ATG10: variants seen among roughly 807,000 people sequenced by gnomAD.
ATG10 encodes the protein autophagy related 10, also known as ubiquitin-like-conjugating enzyme ATG10.
In ATG10, 30 loss-of-function variants were observed where a neutral mutation model predicts 32.1. That is an observed-to-expected ratio of 0.94 (90% CI 0.70 to 1.27). The LOEUF (loss-of-function observed/expected upper bound fraction) is 1.27, where lower values mean the gene tolerates loss of function less well. Among genes scored for constraint, ATG10 ranks in the 50% most tolerant of loss-of-function variants. ATG10 has a pLI of 0.00. For synonymous variants in ATG10, 87 were observed against 91.5 expected (o/e 0.95, Z 0.28); for missense variants, 233 against 262.3 (o/e 0.89, Z 0.77).
chr5:82,051,252 A>G (rs1374612657), intron 2 of ATG10, among the ~76,000 whole-genome samples: 2 of 152,096 alleles, frequency 1.3e-5, no homozygotes, highest in East Asian at 1.9e-4. Flanking sequence ...AGGGGGTGCT[A>G]GCCTCTATTG....
intron 2 of ATG10, among the ~76,000 whole-genome samples, chr5:82,055,299 G>A (rs978660960): frequency 5.9e-5 from 9 of 151,832 alleles, no homozygotes; most frequent in African/African-American, 1.2e-4. Flanking sequence ...CTTCCGTATC[G>A]ATAATAAAAA....
At chr5:82,208,220 TAA>T (rs1433090911) in intron 5 of ATG10, among the ~76,000 whole-genome samples, 1 of 151,816 alleles carries the variant, frequency 6.6e-6, no homozygotes, top group African/African-American at 2.4e-5. Flanking sequence ...AAGTTTATAA[TAA>T]GTCTTGATAT....
In ATG10 at chr5:82,233,656, T is replaced by C. The variant is rs141540667; in HGVS notation, c.454-18906T>C. On this transcript the variant is annotated intron_variant, in intron 5 of 7. Coordinates refer to ENST00000282185, the MANE Select transcript of ATG10 (RefSeq NM_031482.5). ...ATGTTTGAATTCCAGGTACAGATGC[T>C]CCATCATTTTGCAGTTAACATAGAG... Among the ~76,000 whole-genome samples, 3 of 152,242 alleles carry C rather than the reference T, an allele frequency of 2.0e-5. No individual in the cohort carries two copies. In the East Asian group the frequency reaches 5.8e-4, roughly 29 times the overall value.
At chr5:82,138,656 T>C (rs1346124832) in intron 3 of ATG10, among the ~76,000 whole-genome samples, 1 of 152,188 alleles carries the variant, frequency 6.6e-6, no homozygotes, top group African/African-American at 2.4e-5. Flanking sequence ...AGACTGGAGC[T>C]GTTTCCATTT....
intron 4 of ATG10, among the ~76,000 whole-genome samples, chr5:82,177,209 A>G (rs1170630763): frequency 6.6e-6 from 1 of 152,202 alleles, no homozygotes; most frequent in Non-Finnish European, 1.5e-5. Context: ...AGAAAGGATC[A>G]TTATTCTCAT....
At chr5:82,052,211 T>C (rs770192988) in intron 2 of ATG10, among the ~76,000 whole-genome samples, 1 of 152,184 alleles carries the variant, frequency 6.6e-6, no homozygotes, top group Non-Finnish European at 1.5e-5. Flanking sequence ...ACCCATTTTC[T>C]TTTAGATGTG....
chr5:82,020,763 T>C (rs935644103), intron 2 of ATG10, among the ~76,000 whole-genome samples: 1 of 152,170 alleles, frequency 6.6e-6, no homozygotes, highest in African/African-American at 2.4e-5. Flanking sequence ...TTTTTAGACC[T>C]CTACTTGAGC....
rs540263885 is a variant in ATG10, at chr5:82,020,725, A to G, written c.108+33047A>G. Among the ~76,000 whole-genome samples, 9 of 152,302 alleles carry G rather than the reference A, an allele frequency of 5.9e-5. No individual in the cohort carries two copies. In the East Asian group the frequency reaches 1.7e-3, roughly 30 times the overall value. On this transcript the variant is annotated intron_variant, in intron 2 of 7. Coordinates refer to ENST00000282185, the MANE Select transcript of ATG10 (RefSeq NM_031482.5). ...TCTCATGGTGGTGGTAAGGGTCTGAAGAGAGAAAGTAGAAATACTCAAGTA... is the reference window on the plus strand; with the variant it reads ...TCTCATGGTGGTGGTAAGGGTCTGAGGAGAGAAAGTAGAAATACTCAAGTA...
chr5:82,078,211 A>T (rs1016004428), intron 3 of ATG10, among the ~76,000 whole-genome samples: 1 of 152,044 alleles, frequency 6.6e-6, no homozygotes, highest in Non-Finnish European at 1.5e-5. Context: ...TTTTCCTTTC[A>T]TATGCAGTAA....
chr5:82,201,824 T>C (rs1048910223), intron 5 of ATG10, among the ~76,000 whole-genome samples: 7 of 152,246 alleles, frequency 4.6e-5, no homozygotes, highest in African/African-American at 1.7e-4. Flanking sequence ...TAGTATGTTA[T>C]TGTTTTAAGC....
intron 5 of ATG10, among the ~76,000 whole-genome samples, chr5:82,241,125 G>C (rs755567299): frequency 1.3e-5 from 2 of 152,170 alleles, no homozygotes; most frequent in African/African-American, 2.4e-5. Context: ...AAATAGTCAA[G>C]AAAATGTGAA....
chr5:82,234,738 C>T (rs2150010664), intron 5 of ATG10, among the ~76,000 whole-genome samples: 1 of 152,068 alleles, frequency 6.6e-6, no homozygotes, highest in East Asian at 1.9e-4. Flanking sequence ...TAGGGAGAAT[C>T]CTAGTAAATG....
chr5:82,195,993 C>T (rs528933281), intron 5 of ATG10, among the ~76,000 whole-genome samples: 1 of 152,172 alleles, frequency 6.6e-6, no homozygotes, highest in South Asian at 2.1e-4. Context: ...TTTTATATTC[C>T]CACCAGGAAT....
At position 82,100,882 on chromosome 5, in the gene ATG10, A is replaced by G. The variant is rs543462238; in HGVS notation, c.216+42280A>G. ...AGGCTGTCTTGGTATGGGGTAAAAA[A>G]GGAAGTTAATAATTCCCCTGTTCTT... is the stretch of plus-strand genomic sequence containing the variant. On this transcript the variant is annotated intron_variant, in intron 3 of 7. Transcript: ENST00000282185. 2.6e-5 allele frequency among the ~76,000 whole-genome samples: 4 copies of G among 151,818 alleles called. No individual in the cohort carries two copies. The South Asian group carries it at 8.3e-4, about 32-fold the overall frequency.
intron 3 of ATG10, among the ~76,000 whole-genome samples, chr5:82,110,431 T>G (rs575809856): frequency 1.3e-3 from 195 of 152,312 alleles, no homozygotes; most frequent in African/African-American, 4.3e-3. Context: ...GTAAAAGCAT[T>G]CCTATTTCTC....
rs1353788210 is a variant in ATG10 at position 82,022,330 on chromosome 5, C to CT, written c.108+34668dup. 9.3e-3 allele frequency among the ~76,000 whole-genome samples: 1,304 copies of CT among 140,450 alleles called. 8 individuals carry two copies. Among genetic ancestry groups the CT allele is most frequent in the Non-Finnish European group, 0.012 (758 of 63,992 alleles). The allele number at this position is 140,450 out of a possible 152,430, so 92.1% of individuals were successfully genotyped here. A position where few individuals can be genotyped will look rare whatever the true frequency, so the allele number is the denominator to read the frequency against. ...TGTATTACTTTGATTAAAATGAGTA[C>CT]TTTTTTTTTTTTTTTTGAGACGGAG... On this transcript the variant is annotated intron_variant, in intron 2 of 7. Transcript: ENST00000282185.
At chr5:82,032,603 A>G (rs1425652806) in intron 2 of ATG10, among the ~76,000 whole-genome samples, 3 of 152,052 alleles carry the variant, frequency 2.0e-5, no homozygotes, top group African/African-American at 7.2e-5. Flanking sequence ...AGAAATATAT[A>G]TGATAAACTG....
chr5:82,226,041 TTC>T (rs1250005871), intron 5 of ATG10, among the ~76,000 whole-genome samples: 3 of 151,824 alleles, frequency 2.0e-5, no homozygotes, highest in Non-Finnish European at 1.5e-5. Flanking sequence ...TATTCTTACT[TTC>T]TCTCTCTCTC....
At chr5:82,090,162 G>GA (rs1406708906) in intron 3 of ATG10, among the ~76,000 whole-genome samples, 1 of 151,882 alleles carries the variant, frequency 6.6e-6, no homozygotes, top group Non-Finnish European at 1.5e-5. Context: ...TTGCTTTTGG[G>GA]AATGTAAAAT....
Sources: allele counts gnomAD v4.1 joint callset (sites outside exome capture counted in the v4.1 genomes callset), GRCh38; gene constraint gnomAD v4.1.1; transcripts MANE v1.5; gene names NCBI Gene and HGNC (gene_info 2026-07-23, HGNC 2026-07-21).